Variants in RMI1 observed in about 807,000 individuals in gnomAD.
RMI1 encodes RecQ mediated genome instability 1.
In RMI1, 36 loss-of-function variants were observed where a neutral mutation model predicts 46.7. The ratio of observed to expected loss-of-function variants is 0.77; its 90% CI spans 0.59 to 1.02. The LOEUF (loss-of-function observed/expected upper bound fraction) is 1.02. Among genes scored for constraint, RMI1 ranks in the 50% least tolerant of loss-of-function variants. The probability of loss-of-function intolerance (pLI) is 0.00; values close to 1 mark genes in which losing one functional copy is unlikely to be tolerated. For missense variants in RMI1, 676 were observed against 713.7 expected, an observed-to-expected ratio of 0.95 and a Z score of 0.60; for synonymous variants, 250 against 252.9, an observed-to-expected ratio of 0.99 and a Z score of 0.11.
intron 1 of RMI1, among the ~76,000 whole-genome samples, chr9:83,996,289 ACT>A (rs1225464898): frequency 1.3e-5 from 2 of 151,980 alleles, no homozygotes; most frequent in Non-Finnish European, 2.9e-5. Flanking sequence ...TCTCAGGGTA[ACT>A]CTGTTCCCGC....
In RMI1 at chr9:84,001,288, C is replaced by G; in HGVS notation, c.302C>G (p.Ser101Cys). 1.2e-6 allele frequency: 2 copies of G among 1,614,060 alleles called. No individual in the cohort carries two copies. The highest frequency in any genetic ancestry group is 1.7e-6 in the Non-Finnish European group (2 of 1,179,994). Residue 101 changes from serine to cysteine, a missense_variant, in exon 3 of 3, where the codon TCC becomes TGC. Physicochemically the swap from Ser to Cys is moderately radical, Grantham distance 112. Coordinates refer to ENST00000445877, the MANE Select transcript of RMI1 (RefSeq NM_001358291.2). ...SLVDVSQPAY[S>C]QIQKLRGKNT... is the part of the protein sequence containing the mutation. Reference sequence around the variant, plus strand: ...GTTGATGTAAGTCAGCCTGCATACTCCCAGATACAGAAGTTGAGAGGAAAG... The same window carrying G: ...GTTGATGTAAGTCAGCCTGCATACTGCCAGATACAGAAGTTGAGAGGAAAG...
At chr9:83,994,350 T>C (rs914831157) in intron 1 of RMI1, among the ~76,000 whole-genome samples, 2 of 152,208 alleles carry the variant, frequency 1.3e-5, no homozygotes, top group African/African-American at 2.4e-5. Flanking sequence ...ACTTTTGGTG[T>C]CATATCCAAG....
chr9:84,000,155 G>A (rs1313320137), intron 2 of RMI1, among the ~76,000 whole-genome samples: 1 of 152,114 alleles, frequency 6.6e-6, no homozygotes, highest in African/African-American at 2.4e-5. Context: ...AAGAACATTA[G>A]TGAACATTGT....
chr9:84,001,507 C>G lies in RMI1; in HGVS notation c.521C>G (p.Ser174Cys), dbSNP rs553690871. 1.1e-5 allele frequency: 18 copies of G among 1,613,912 alleles called. No homozygotes were observed. In the African/African-American group the frequency reaches 1.5e-4, roughly 13 times the overall value. Residue 174 changes from serine to cysteine, a missense_variant, in exon 3 of 3, where the codon TCT (serine) becomes TGT (cysteine). By Grantham distance (112) the Ser-to-Cys change is moderately radical. Transcript: ENST00000445877. ...AAAATTTTGATTTATGGAAATATAT[C>G]TTTCCGTCTTGGTGTTCTCTTATTG... is the stretch of plus-strand genomic sequence containing the variant. Reference protein sequence around the residue: ...GTKILIYGNISFRLGVLLLKP... With the variant: ...GTKILIYGNICFRLGVLLLKP...
chr9:83,993,006 T>C (rs1222389697), intron 1 of RMI1: 2 of 152,192 alleles, frequency 1.3e-5, no homozygotes, highest in Admixed American at 1.3e-4. Context: ...CCTTCTCCAT[T>C]TCCAGTGCTT....
intron 1 of RMI1, among the ~76,000 whole-genome samples, chr9:83,993,529 C>T (rs1957604083): frequency 6.6e-6 from 1 of 152,066 alleles, no homozygotes; most frequent in Non-Finnish European, 1.5e-5. Flanking sequence ...TGTGGTAGTT[C>T]TAGTTTTAAT....
At chr9:83,988,578 A>G (rs1957525768) in intron 1 of RMI1, among the ~76,000 whole-genome samples, 1 of 152,230 alleles carries the variant, frequency 6.6e-6, no homozygotes, top group African/African-American at 2.4e-5. Context: ...TGCTGGGATT[A>G]CAGGCATGAG....
At chr9:83,982,809 CTTTACGTCTT>C (rs1957439090) in intron 1 of RMI1, among the ~76,000 whole-genome samples, 1 of 152,022 alleles carries the variant, frequency 6.6e-6, no homozygotes, top group Non-Finnish European at 1.5e-5. Context: ...TTGATTTCTT[CTTTACGTCTT>C]TTTAATTTTT....
At chr9:83,983,834 G>A (rs1957452923) in intron 1 of RMI1, among the ~76,000 whole-genome samples, 1 of 151,984 alleles carries the variant, frequency 6.6e-6, no homozygotes. Flanking sequence ...AAAATTAATG[G>A]GGATTAAGCT....
rs150991525 is a variant in RMI1 at position 83,987,607 on chromosome 9, A to G, written c.-126+6716A>G. 2.1e-3 allele frequency among the ~76,000 whole-genome samples: 325 copies of G among 152,320 alleles called. 2 individuals are homozygous for G. The highest frequency in any genetic ancestry group is 7.3e-3 in the African/African-American group (302 of 41,568). ...CCAACCACCACCATCGTCATGTTAT[A>G]GAACAATTCCATCACCCCAAAAATT... On this transcript the variant is annotated intron_variant, in intron 1 of 2. Coordinates refer to ENST00000445877, the MANE Select transcript of RMI1 (RefSeq NM_001358291.2).
chr9:83,987,085 A>G (rs1483387247), intron 1 of RMI1, among the ~76,000 whole-genome samples: 1 of 151,474 alleles, frequency 6.6e-6, no homozygotes, highest in Non-Finnish European at 1.5e-5. Context: ...TCGCTTTCCG[A>G]TGGAGTCTCA....
rs112617860 is a variant in RMI1 at position 84,002,049 on chromosome 9, A to G, written c.1063A>G (p.Asn355Asp). The G allele has an allele frequency of 6.2e-7, 1 of 1,613,842 alleles. No homozygotes were observed. Residue 355 changes from asparagine (N) to aspartate (D), a missense_variant, in exon 3 of 3, where the codon AAT (asparagine) becomes GAT (aspartate). Physicochemically the swap from Asn to Asp is conservative, Grantham distance 23. Coordinates refer to ENST00000445877, the MANE Select transcript of RMI1 (RefSeq NM_001358291.2). ...TCGAAGTATAGAGAGATTTTCACATAATCCTAATACTACGAATAACTTTTC... is the reference window on the plus strand; with the variant it reads ...TCGAAGTATAGAGAGATTTTCACATGATCCTAATACTACGAATAACTTTTC... ...ADRSIERFSH[N>D]PNTTNNFSLT...
At chr9:83,997,173 G>A (rs374346721) in intron 1 of RMI1, among the ~76,000 whole-genome samples, 101 of 141,788 alleles carry the variant, frequency 7.1e-4, no homozygotes, top group African/African-American at 2.4e-3. Context: ...GTGCAATGGC[G>A]CAACCTCAGC....
chr9:84,001,852 T>G lies in RMI1; in HGVS notation c.866T>G (p.Phe289Cys). Reference sequence around the variant, plus strand: ...AGACAGTCAAGTTTTGAGCCAGAATTTGTTATTTCTCCAAGACCAAAAGAG... The same window carrying G: ...AGACAGTCAAGTTTTGAGCCAGAATGTGTTATTTCTCCAAGACCAAAAGAG... Reference protein sequence around the residue: ...PTRQSSFEPEFVISPRPKEEP... With the variant: ...PTRQSSFEPECVISPRPKEEP... Residue 289 changes from phenylalanine (F) to cysteine (C), a missense_variant, in exon 3 of 3, where the codon TTT becomes TGT. Physicochemically the swap from Phe to Cys is radical, Grantham distance 205 (BLOSUM62 -2). Transcript: ENST00000445877. 1 of 1,614,040 alleles carries G rather than the reference T, an allele frequency of 6.2e-7. No homozygotes were observed. The highest frequency in any genetic ancestry group is 1.1e-5 in the South Asian group (1 of 91,076).
In RMI1 at chr9:84,002,539, C is replaced by T; in HGVS notation, c.1553C>T (p.Thr518Ile). Residue 518 changes from threonine to isoleucine, a missense_variant, in exon 3 of 3, where the codon ACT (threonine) becomes ATT (isoleucine). Coordinates refer to ENST00000445877, the MANE Select transcript of RMI1 (RefSeq NM_001358291.2). ...GTGAAAGCATTTATTGTAACCTTAA[C>T]TGGAAATCTCTCAAGTTCTGGTGGT... ...VKVKAFIVTL[T>I]GNLSSSGGIW... The T allele has an allele frequency of 6.2e-7, 1 of 1,613,940 alleles. No homozygotes were observed. Among genetic ancestry groups the T allele is most frequent in the Non-Finnish European group, 8.5e-7 (1 of 1,179,922 alleles).
intron 1 of RMI1, among the ~76,000 whole-genome samples, chr9:83,984,631 G>A (rs183470271): frequency 6.6e-6 from 1 of 151,582 alleles, no homozygotes; most frequent in East Asian, 1.9e-4. Context: ...GCACAATCTC[G>A]GCTCACTGCA....
Position 84,001,991 on chromosome 9 carries a change from A to T in RMI1, c.1005A>T (p.Glu335Asp). The change falls in exon 3 of 3, where the codon GAA (glutamate) becomes GAT (aspartate). Residue 335 changes from glutamate (E) to aspartate (D), a missense_variant. Glu to Asp is a conservative substitution (Grantham distance 45). Coordinates refer to ENST00000445877, the MANE Select transcript of RMI1 (RefSeq NM_001358291.2). The part of the protein sequence containing the change: ...TVQKEQMETK[E>D]LQPLTFNRNA... ...AGAAAGAACAGATGGAAACTAAGGA[A>T]TTGCAACCATTGACTTTTAACAGAA... 6.2e-7 allele frequency: 1 copy of T among 1,614,110 alleles called. No individual in the cohort carries two copies. The highest frequency in any genetic ancestry group is 8.5e-7 in the Non-Finnish European group (1 of 1,179,968).
Position 84,001,202 on chromosome 9 carries a change from C to A in RMI1, c.216C>A (p.Gly72=). 1 of 1,614,106 alleles carries A rather than the reference C, an allele frequency of 6.2e-7. No individual in the cohort carries two copies. Among genetic ancestry groups the A allele is most frequent in the South Asian group, 1.1e-5 (1 of 91,088 alleles). ...RDLEHPLLPD[G]ILEIPKGELN... is the part of the protein sequence containing the mutation. ...TGGAGCATCCTCTTTTACCCGATGG[C>A]ATTTTAGAAATTCCAAAAGGAGAAT... The change falls in exon 3 of 3, where the codon GGC becomes GGA. Residue 72 remains glycine, a synonymous_variant. Transcript: ENST00000445877.
intron 1 of RMI1, among the ~76,000 whole-genome samples, chr9:83,998,964 A>G (rs1026597744): frequency 6.6e-6 from 1 of 152,122 alleles, no homozygotes; most frequent in Non-Finnish European, 1.5e-5. Context: ...AACATGGCGA[A>G]ACCCTGTCTC....
Sources: gnomAD v4.1 joint callset for allele counts (sites outside exome capture counted in the v4.1 genomes callset) on GRCh38, gnomAD v4.1.1 for gene constraint, MANE v1.5 for transcripts, NCBI Gene and HGNC (gene_info 2026-07-23, HGNC 2026-07-21) for gene names.